Variants in CEP83 observed in about 807,000 individuals in gnomAD.
CEP83 encodes centrosomal protein of 83 kDa.
A neutral mutation model predicts 101.9 loss-of-function variants in CEP83; 70 were observed. The observed-to-expected ratio is 0.69, with a 90% CI of 0.57 to 0.84. The LOEUF is 0.84. Among genes scored for constraint, CEP83 ranks in the 40% least tolerant of loss-of-function variants. The pLI is 0.00. For synonymous variants in CEP83, 264 were observed against 267.9 expected, an observed-to-expected ratio of 0.99 and a Z score of 0.14; for missense variants, 715 against 787.2, an observed-to-expected ratio of 0.91 and a Z score of 1.10.
chr12:94,363,448 A>G (rs891140090), intron 11 of CEP83, among the ~76,000 whole-genome samples: 2 of 152,222 alleles, frequency 1.3e-5, no homozygotes, highest in African/African-American at 4.8e-5. Context: ...CAAAAAATTA[A>G]AAACAGAATT....
At chr12:94,303,494 T>C (rs537817847), downstream of CEP83, among the ~76,000 whole-genome samples, 9 of 152,308 alleles carry the variant, frequency 5.9e-5, no homozygotes, top group South Asian at 1.9e-3. Context: ...ATAATTTTAG[T>C]TCTTTTATGA....
chr12:94,298,733 C>T, the CEP83 span: 17 of 1,613,144 alleles, frequency 1.1e-5, no homozygotes, highest in East Asian at 4.5e-5. Flanking sequence ...ACTTTTTGGA[C>T]GCCCAGGCTG....
At chr12:94,305,425 G>T (rs1968905070), downstream of CEP83, 1 of 602,592 alleles carries the variant, frequency 1.7e-6, no homozygotes, top group East Asian at 2.8e-5. Flanking sequence ...AGAGACCAAG[G>T]CACATGCACA....
intron 14 of CEP83, among the ~76,000 whole-genome samples, chr12:94,328,581 T>C (rs1006145209): frequency 3.3e-5 from 5 of 152,218 alleles, no homozygotes; most frequent in African/African-American, 1.2e-4. Flanking sequence ...CTAAGAAGTC[T>C]GTTGCACTCT....
At chr12:94,326,944 A>C (rs529547064) in intron 14 of CEP83, among the ~76,000 whole-genome samples, 19 of 152,352 alleles carry the variant, frequency 1.2e-4, no homozygotes, top group African/African-American at 3.6e-4. Flanking sequence ...TTTAAGCCAC[A>C]AGGTTTGTGG....
intron 1 of CEP83, among the ~76,000 whole-genome samples, chr12:94,457,954 T>C (rs1223656768): frequency 6.6e-6 from 1 of 152,092 alleles, no homozygotes; most frequent in Non-Finnish European, 1.5e-5. Flanking sequence ...CCCAGCACTT[T>C]GGGAGGTCAA....
intron 6 of CEP83, among the ~76,000 whole-genome samples, chr12:94,394,915 C>T (rs1404765932): frequency 6.6e-6 from 1 of 152,190 alleles, no homozygotes. Context: ...ATCAAAACCA[C>T]AATGAGATAC....
intron 2 of CEP83, among the ~76,000 whole-genome samples, chr12:94,417,413 T>A (rs1347749929): frequency 6.6e-6 from 1 of 152,064 alleles, no homozygotes; most frequent in Admixed American, 6.6e-5. Flanking sequence ...ACCAGAAAAG[T>A]GTCAGAAAAA....
the CEP83 span, among the ~76,000 whole-genome samples, chr12:94,275,986 C>A: frequency 6.6e-6 from 1 of 152,042 alleles, no homozygotes; most frequent in South Asian, 2.1e-4. Flanking sequence ...TGTAAAATGC[C>A]ATTTTACCTC....
chr12:94,393,338 C>T (rs970779935), intron 6 of CEP83, among the ~76,000 whole-genome samples: 1 of 152,136 alleles, frequency 6.6e-6, no homozygotes, highest in Non-Finnish European at 1.5e-5. Flanking sequence ...AATCAATAAA[C>T]ATAATCCAGC....
chr12:94,446,302 G>T (rs1215177226), intron 1 of CEP83, among the ~76,000 whole-genome samples: 1 of 152,104 alleles, frequency 6.6e-6, no homozygotes, highest in Non-Finnish European at 1.5e-5. Context: ...GATGTTTTTT[G>T]ACCAGAGATA....
At chr12:94,447,929 A>C (rs899057903) in intron 1 of CEP83, among the ~76,000 whole-genome samples, 1 of 152,128 alleles carries the variant, frequency 6.6e-6, no homozygotes, top group African/African-American at 2.4e-5. Context: ...GACAAATAGA[A>C]AACAAATATG....
At chr12:94,275,323 G>A in the CEP83 span, among the ~76,000 whole-genome samples, 1 of 152,246 alleles carries the variant, frequency 6.6e-6, no homozygotes, top group Non-Finnish European at 1.5e-5. Flanking sequence ...AGGAGAACAT[G>A]CTGGTTAAAT....
Position 94,329,111 on chromosome 12 carries a change from C to T in CEP83, c.1707+2589G>A, listed in dbSNP as rs148124792. 7.9e-4 allele frequency among the ~76,000 whole-genome samples: 120 copies of T among 152,228 alleles called. 1 individual carries two copies. In the East Asian group the frequency reaches 0.022, roughly 28 times the overall value. On this transcript the variant is annotated intron_variant, in intron 14 of 16. Transcript: ENST00000397809. ...ATTGACCTTAACAATTTCACTATGA[C>T]TTAAATCACAATCCATAGATCACAT... is the stretch of plus-strand genomic sequence containing the variant.
At chr12:94,377,997 A>G (rs889806243) in intron 7 of CEP83, among the ~76,000 whole-genome samples, 9 of 118,002 alleles carry the variant, frequency 7.6e-5, no homozygotes, top group Non-Finnish European at 1.7e-4. Context: ...CTGGCTGGGG[A>G]AAAAAAAAAT....
At chr12:94,279,738 C>T in the CEP83 span, 12 of 1,040,958 alleles carry the variant, frequency 1.2e-5, no homozygotes, top group African/African-American at 2.0e-4. Context: ...TCCCTGCCCC[C>T]ACCAGCTTCC....
In CEP83 at chr12:94,375,960, T is replaced by A; in HGVS notation, c.859A>T (p.Ser287Cys). 2 of 1,568,120 alleles carry A rather than the reference T, an allele frequency of 1.3e-6. No homozygotes were observed. Among genetic ancestry groups the A allele is most frequent in the Non-Finnish European group, 1.7e-6 (2 of 1,150,000 alleles). The change falls in exon 8 of 17, where the codon AGC becomes TGC. Residue 287 changes from serine to cysteine, a missense_variant. Ser to Cys is a moderately radical substitution (Grantham distance 112, BLOSUM62 -1). Transcript: ENST00000397809. ...ATTAAAAAGGTATTTTGTTCACTGC[T>A]TGATTGTAGCTCTTTTTCCAAACGT... ...AERLEKELQS[S>C]SEQNTFLINK...
the CEP83 span, among the ~76,000 whole-genome samples, chr12:94,286,378 A>T: frequency 0.11 from 17,319 of 152,110 alleles, 1,140 homozygotes; most frequent in Non-Finnish European, 0.14. Context: ...GCTTGGAGAA[A>T]ATCATCCCCC....
chr12:94,273,011 G>A, the CEP83 span, among the ~76,000 whole-genome samples: 10,721 of 152,104 alleles, frequency 0.07, 511 homozygotes, highest in Admixed American at 0.12. Flanking sequence ...GTCAGGACAC[G>A]TCCTAGTTAT....
Sources: allele counts gnomAD v4.1 joint callset (sites outside exome capture counted in the v4.1 genomes callset), GRCh38; gene constraint gnomAD v4.1.1; transcripts MANE v1.5; gene names NCBI Gene and HGNC (gene_info 2026-07-23, HGNC 2026-07-21).